SEMA6D: variants seen among roughly 807,000 people sequenced by gnomAD.
The protein encoded by SEMA6D is semaphorin 6D.
Under a neutral mutation model 106.6 loss-of-function variants are expected in SEMA6D, and 35 were observed. The ratio of observed to expected loss-of-function variants is 0.33; its 90% CI spans 0.25 to 0.44. The LOEUF (loss-of-function observed/expected upper bound fraction) is 0.44. Among genes scored for constraint, SEMA6D ranks in the 20% least tolerant of loss-of-function variants. SEMA6D has a pLI of 1.00. For synonymous variants in SEMA6D, 499 were observed against 487.7 expected, an observed-to-expected ratio of 1.02 and a Z score of -0.31; for missense variants, 1,185 against 1,345.9, an observed-to-expected ratio of 0.88 and a Z score of 1.87.
At chr15:47,526,353 T>G (rs369113270) in intron 3 of SEMA6D, among the ~76,000 whole-genome samples, 4 of 152,232 alleles carry the variant, frequency 2.6e-5, no homozygotes, top group African/African-American at 9.6e-5. Context: ...GGGGGGTCCT[T>G]TTTGGGGGCT....
intron 1 of SEMA6D, among the ~76,000 whole-genome samples, chr15:47,272,305 A>G (rs1321834785): frequency 2.6e-5 from 4 of 152,220 alleles, no homozygotes; most frequent in Non-Finnish European, 5.9e-5. Context: ...GGAGAAGTCA[A>G]TTAAATCTCT....
intron 1 of SEMA6D, among the ~76,000 whole-genome samples, chr15:47,279,871 T>G (rs938422876): frequency 6.7e-6 from 1 of 149,750 alleles, no homozygotes; most frequent in Admixed American, 6.7e-5. Context: ...ATCCCAGGGA[T>G]GAAGACCACT....
At chr15:47,647,772 A>G (rs958151746) in intron 4 of SEMA6D, among the ~76,000 whole-genome samples, 1 of 152,122 alleles carries the variant, frequency 6.6e-6, no homozygotes, top group Non-Finnish European at 1.5e-5. Flanking sequence ...AAATTATTCA[A>G]TGAATCCAAA....
intron 3 of SEMA6D, among the ~76,000 whole-genome samples, chr15:47,599,614 A>T (rs189803541): frequency 6.6e-6 from 1 of 152,254 alleles, no homozygotes; most frequent in East Asian, 1.9e-4. Context: ...CTGAAAACAC[A>T]GCCATTTGAT....
At chr15:47,257,663 A>G (rs1000116084) in intron 1 of SEMA6D, among the ~76,000 whole-genome samples, 1 of 152,136 alleles carries the variant, frequency 6.6e-6, no homozygotes, top group South Asian at 2.1e-4. Context: ...AATTCTGTTA[A>G]ATTTGTGAAA....
At chr15:47,768,518 A>G in intron 17 of SEMA6D, 63 bp from the exon 18 acceptor site, 2 of 1,370,988 alleles carry the variant, frequency 1.5e-6, no homozygotes, top group Non-Finnish European at 2.0e-6. Flanking sequence ...TAAAAATGCA[A>G]CAGACCAATC....
chr15:47,209,253 T>G (rs945965172), intron 1 of SEMA6D, among the ~76,000 whole-genome samples: 1 of 152,224 alleles, frequency 6.6e-6, no homozygotes, highest in African/African-American at 2.4e-5. Flanking sequence ...ACTGGTTCTT[T>G]TTTTATCTAC....
At chr15:47,711,183 G>A (rs1004933320) in intron 4 of SEMA6D, among the ~76,000 whole-genome samples, 1 of 150,654 alleles carries the variant, frequency 6.6e-6, no homozygotes, top group Admixed American at 6.6e-5. Context: ...AGTGGCGGGC[G>A]CCTGTAGTCC....
chr15:47,485,996 G>A (rs921871918), intron 3 of SEMA6D, among the ~76,000 whole-genome samples: 5 of 152,162 alleles, frequency 3.3e-5, no homozygotes, highest in Non-Finnish European at 7.3e-5. Flanking sequence ...AACTAAGCTA[G>A]GGCAATAGGG....
chr15:47,591,818 GTC>G (rs1269230447), intron 3 of SEMA6D, among the ~76,000 whole-genome samples: 3 of 152,174 alleles, frequency 2.0e-5, no homozygotes, highest in Admixed American at 6.5e-5. Flanking sequence ...GGCATCTAGT[GTC>G]TCTGTGTCTG....
At chr15:47,325,467 C>T (rs565227693) in intron 1 of SEMA6D, among the ~76,000 whole-genome samples, 52 of 151,474 alleles carry the variant, frequency 3.4e-4, no homozygotes, top group African/African-American at 1.0e-3. Flanking sequence ...CCACCGCGCC[C>T]GGCAGGGTGA....
rs1263517167 is a variant in SEMA6D at position 47,772,392 on chromosome 15, T to TG, written c.*607_*608insG. 27 of 40,090 alleles carry TG rather than the reference T, an allele frequency of 6.7e-4. No homozygotes were observed. Among genetic ancestry groups the TG allele is most frequent in the African/African-American group, 3.1e-3 (26 of 8,434 alleles). 2.5% of individuals were successfully genotyped at this position (40,090 alleles called of 1,614,324 possible). A position where few individuals can be genotyped will look rare whatever the true frequency, so the allele number is the denominator to read the frequency against. On this transcript the variant is annotated 3_prime_UTR_variant, in exon 19 of 19. Transcript: ENST00000536845. ...TGTGTGTGTGTGTGTGTGTGTGTGTTCTGTACCCACTAGGATTTGTTTAGG... is the reference window on the plus strand; with the variant it reads ...TGTGTGTGTGTGTGTGTGTGTGTGTTGCTGTACCCACTAGGATTTGTTTAGG...
intron 1 of SEMA6D, among the ~76,000 whole-genome samples, chr15:47,348,702 CA>C (rs371608287): frequency 0.023 from 2,464 of 104,928 alleles, 48 homozygotes; most frequent in South Asian, 0.076. Context: ...CACACACACA[CA>C]CACACACACA....
At chr15:47,435,024 A>C (rs1307198471) in intron 2 of SEMA6D, among the ~76,000 whole-genome samples, 1 of 152,148 alleles carries the variant, frequency 6.6e-6, no homozygotes, top group Non-Finnish European at 1.5e-5. Flanking sequence ...TAAATCACTG[A>C]ATTGTAAATT....
intron 1 of SEMA6D, among the ~76,000 whole-genome samples, chr15:47,229,288 T>G (rs548060678): frequency 1.3e-5 from 2 of 152,124 alleles, no homozygotes; most frequent in East Asian, 3.9e-4. Context: ...GTTTTCTAAT[T>G]AAAAACACCC....
intron 6 of SEMA6D, 22 bp downstream of exon 6, chr15:47,761,453 T>C (rs2082056874): frequency 6.4e-7 from 1 of 1,555,970 alleles, no homozygotes; most frequent in South Asian, 1.2e-5. Context: ...TTATGTGATA[T>C]GCTTCTTTTG....
chr15:47,721,036 G>T (rs1038854042), intron 1 of SEMA6D, among the ~76,000 whole-genome samples: 1 of 152,128 alleles, frequency 6.6e-6, no homozygotes, highest in Non-Finnish European at 1.5e-5. Flanking sequence ...AAGCAGTTGG[G>T]GTATGCCAAC....
intron 4 of SEMA6D, among the ~76,000 whole-genome samples, chr15:47,617,850 G>A (rs1566938372): frequency 1.3e-5 from 2 of 152,174 alleles, no homozygotes; most frequent in Non-Finnish European, 2.9e-5. Context: ...TAGATGCTGT[G>A]TAACTATTAG....
Position 47,766,173 on chromosome 15 carries a change from C to A in SEMA6D, c.1637C>A (p.Pro546Gln). Residue 546 changes from proline (P) to glutamine (Q), a missense_variant, in exon 15 of 19, where the codon CCA becomes CAA. Pro to Gln is a moderately conservative substitution (Grantham distance 76). This residue lies in a region of SEMA6D where 750 missense variants were observed against 783.5 expected (regional missense o/e 0.96). Transcript: ENST00000536845. ...CAGGGATCCTGTGGTAGAGTGACCCCAGGGATGCTGTAAGTATACTTTGTC... is the reference window on the plus strand; with the variant it reads ...CAGGGATCCTGTGGTAGAGTGACCCAAGGGATGCTGTAAGTATACTTTGTC... ...LSQGSCGRVT[P>Q]GMLAEGYEQD... 1 of 1,612,944 alleles carries A rather than the reference C, an allele frequency of 6.2e-7. No individual in the cohort carries two copies. Among genetic ancestry groups the A allele is most frequent in the Non-Finnish European group, 8.5e-7 (1 of 1,179,260 alleles).
Sources: gnomAD v4.1 joint callset for allele counts (sites outside exome capture counted in the v4.1 genomes callset) on GRCh38, gnomAD v4.1.1 for gene constraint, gnomAD v4.1.1 regional missense constraint, MANE v1.5 for transcripts, NCBI Gene and HGNC (gene_info 2026-07-23, HGNC 2026-07-21) for gene names.